The following STRIP1 variants were observed in gnomAD, a reference collection of about 807,000 sequenced individuals.
The protein encoded by STRIP1 is striatin interacting protein 1, also known as striatin-interacting protein 1.
A neutral mutation model predicts 106.2 loss-of-function variants in STRIP1; 63 were observed. The observed-to-expected ratio is 0.59, with a 90% CI of 0.48 to 0.73. The LOEUF (loss-of-function observed/expected upper bound fraction) is 0.73. Ranked by LOEUF, STRIP1 falls within the 30% of genes least tolerant of loss-of-function variation. STRIP1 has a pLI of 0.00. For missense variants in STRIP1, 857 were observed against 1,074.8 expected, an observed-to-expected ratio of 0.80 and a Z score of 2.83; for synonymous variants, 390 against 413.0, an observed-to-expected ratio of 0.94 and a Z score of 0.67.
chr1:110,034,850 G>A (rs1275617602), intron 1 of STRIP1, 33 bp downstream of exon 1: 19 of 1,375,160 alleles, frequency 1.4e-5, no homozygotes, highest in Non-Finnish European at 1.7e-5. Flanking sequence ...GCTCGCACCG[G>A]GTCGGGCGGC....
chr1:110,047,502 C>G (rs1374887827), intron 13 of STRIP1, 40 bp from the exon 14 acceptor site: 3 of 1,541,380 alleles, frequency 1.9e-6, no homozygotes, highest in Non-Finnish European at 2.7e-6. Flanking sequence ...AGATTGTATT[C>G]TGGGCTGGGG....
rs367681219 is a variant in STRIP1, at chr1:110,047,576, C to T, written c.1523C>T (p.Thr508Ile). The T allele has an allele frequency of 1.3e-4, 213 of 1,612,196 alleles. No individual in the cohort carries two copies. Among genetic ancestry groups the T allele is most frequent in the Admixed American group, 6.7e-4 (40 of 59,776 alleles). ...GAAGTTGAGCAAGTCCCTGCAGAAA[C>T]CCTCTACCAAGGCTTGCTCCCCAGC... ...EEEVEQVPAE[T>I]LYQGLLPSLP... is the part of the protein sequence containing the mutation. The change falls in exon 14 of 21, where the codon ACC becomes ATC. Residue 508 changes from threonine (T) to isoleucine (I), a missense_variant. Thr to Ile is a moderately conservative substitution (Grantham distance 89). Coordinates refer to ENST00000369795, the MANE Select transcript of STRIP1 (RefSeq NM_033088.4).
At position 110,039,411 on chromosome 1, in the gene STRIP1, C is replaced by T. The variant is rs1020132241; in HGVS notation, c.477C>T (p.Cys159=). 6 of 1,614,102 alleles carry T rather than the reference C, an allele frequency of 3.7e-6. No individual in the cohort carries two copies. Among genetic ancestry groups the T allele is most frequent in the African/African-American group, 1.3e-5 (1 of 75,050 alleles). Residue 159 remains cysteine, a synonymous_variant, in exon 5 of 21, where the codon TGC becomes TGT. Coordinates refer to ENST00000369795, the MANE Select transcript of STRIP1 (RefSeq NM_033088.4). ...LYVAQGTFGE[C]SSEAEVQSWM... is the part of the protein sequence containing the mutation. ...GCATTGCAGGCACGTTTGGGGAGTG[C>T]AGCTCGGAGGCAGAGGTGCAGTCCT...
intron 8 of STRIP1, 129 bp downstream of exon 8, chr1:110,041,990 A>T: frequency 9.0e-7 from 1 of 1,109,122 alleles, no homozygotes; most frequent in Non-Finnish European, 1.3e-6. Flanking sequence ...ATTATTTAAA[A>T]AGCTGCTAAA....
chr1:110,052,628 T>A (rs1234238705), intron 20 of STRIP1, among the ~76,000 whole-genome samples: 1 of 151,934 alleles, frequency 6.6e-6, no homozygotes, highest in Non-Finnish European at 1.5e-5. Flanking sequence ...CGCCACCATG[T>A]CCAGCTAATT....
At chr1:110,042,182 G>C (rs2101772287) in intron 8 of STRIP1, among the ~76,000 whole-genome samples, 1 of 152,260 alleles carries the variant, frequency 6.6e-6, no homozygotes, top group East Asian at 1.9e-4. Flanking sequence ...AAAGGGATTT[G>C]AGGCAAAGTT....
At position 110,042,123 on chromosome 1, in the gene STRIP1, C is replaced by G. The variant is rs560499182; in HGVS notation, c.885+262C>G. On this transcript the variant is annotated intron_variant, in intron 8 of 20. Coordinates refer to ENST00000369795, the MANE Select transcript of STRIP1 (RefSeq NM_033088.4). ...CTGTTTTCTGTCATAGAACAGCTCTCCCCCAGACAAGTTGCCTCTCAGCAA... is the reference window on the plus strand; with the variant it reads ...CTGTTTTCTGTCATAGAACAGCTCTGCCCCAGACAAGTTGCCTCTCAGCAA... Among the ~76,000 whole-genome samples, 23 of 152,254 alleles carry G rather than the reference C, an allele frequency of 1.5e-4. No individual in the cohort carries two copies. In the East Asian group the frequency reaches 4.2e-3, roughly 28 times the overall value.
intron 19 of STRIP1, 47 bp downstream of exon 19, chr1:110,051,107 G>A: frequency 7.7e-7 from 1 of 1,296,852 alleles, no homozygotes; most frequent in Non-Finnish European, 1.1e-6. Flanking sequence ...GGAGCTCAAA[G>A]AAGAGTGCTG....
intron 1 of STRIP1, 84 bp downstream of exon 1, chr1:110,034,901 T>C (rs912062080): frequency 2.3e-6 from 3 of 1,316,350 alleles, no homozygotes; most frequent in African/African-American, 1.6e-5. Context: ...GGGGCCAGGT[T>C]GGGCTTCCCG....
intron 12 of STRIP1, chr1:110,045,322 T>C (rs752218410): frequency 2.1e-6 from 1 of 473,144 alleles, no homozygotes; most frequent in Non-Finnish European, 3.9e-6. Flanking sequence ...AAGATTATAT[T>C]ACCTGACCAC....
At chr1:110,051,914 G>T in intron 20 of STRIP1, 27 bp downstream of exon 20, 2 of 1,608,708 alleles carry the variant, frequency 1.2e-6, no homozygotes, top group South Asian at 2.2e-5. Context: ...AGCCAGATTT[G>T]GGTGGGAGTG....
chr1:110,035,359 A>T (rs1455969647), intron 1 of STRIP1, among the ~76,000 whole-genome samples: 1 of 152,144 alleles, frequency 6.6e-6, no homozygotes, highest in Non-Finnish European at 1.5e-5. Flanking sequence ...AGGGGGAAAC[A>T]TGTCCTGTTC....
At chr1:110,048,906 A>C (rs189638742) in intron 15 of STRIP1, among the ~76,000 whole-genome samples, 13 of 152,316 alleles carry the variant, frequency 8.5e-5, no homozygotes, top group African/African-American at 3.1e-4. Flanking sequence ...ATTTGAGGGC[A>C]TCATGGGGAA....
chr1:110,044,682 A>G (rs1225436255), intron 10 of STRIP1, among the ~76,000 whole-genome samples, 158 bp from the exon 11 acceptor site: 1 of 152,206 alleles, frequency 6.6e-6, no homozygotes, highest in Non-Finnish European at 1.5e-5. Context: ...TTCTCTGAAA[A>G]TTTCAGTTTT....
At chr1:110,052,777 G>C (rs550985429) in intron 20 of STRIP1, among the ~76,000 whole-genome samples, 53 of 152,158 alleles carry the variant, frequency 3.5e-4, no homozygotes, top group African/African-American at 1.2e-3. Flanking sequence ...GCCTTCTCAG[G>C]GGGTTCTTGA....
intron 15 of STRIP1, 83 bp downstream of exon 15, chr1:110,047,952 G>A: frequency 2.5e-6 from 3 of 1,202,414 alleles, no homozygotes; most frequent in Non-Finnish European, 3.6e-6. Flanking sequence ...CAGGTTGGTT[G>A]TTGTTGGCCC....
intron 6 of STRIP1, 104 bp downstream of exon 6, chr1:110,040,807 T>C: frequency 1.1e-6 from 1 of 910,072 alleles, no homozygotes; most frequent in Non-Finnish European, 1.7e-6. Flanking sequence ...TGTGCTTCTG[T>C]ACACATCATC....
intron 8 of STRIP1, 171 bp from the exon 9 acceptor site, chr1:110,042,917 A>C: frequency 1.7e-6 from 1 of 593,688 alleles, no homozygotes; most frequent in South Asian, 2.5e-5. Context: ...TCCCTTGCGG[A>C]TGTCACGGAA....
chr1:110,040,838 T>C, intron 6 of STRIP1, 135 bp downstream of exon 6: 1 of 719,982 alleles, frequency 1.4e-6, no homozygotes, highest in Non-Finnish European at 2.2e-6. Context: ...ATGGGCTCAG[T>C]GTGAATGATT....
Sources: allele counts gnomAD v4.1 joint callset (sites outside exome capture counted in the v4.1 genomes callset), GRCh38; gene constraint gnomAD v4.1.1; transcripts MANE v1.5; gene names NCBI Gene and HGNC (gene_info 2026-07-23, HGNC 2026-07-21).